Variants in PARD3B observed in about 807,000 individuals in gnomAD.
PARD3B encodes par-3 family cell polarity regulator beta, also known as partitioning defective 3 homolog B.
In PARD3B, 103 loss-of-function variants were observed where a neutral mutation model predicts 130.2. That is an observed-to-expected ratio of 0.79 (90% confidence interval 0.67 to 0.93). PARD3B has a LOEUF of 0.93. Ranked by LOEUF, PARD3B falls within the 40% of genes least tolerant of loss-of-function variation. The probability of loss-of-function intolerance (pLI) is 0.00; values close to 1 mark genes in which losing one functional copy is unlikely to be tolerated. For synonymous variants in PARD3B, 583 were observed against 553.2 expected, an observed-to-expected ratio of 1.05 and a Z score of -0.76; for missense variants, 1,609 against 1,499.2, an observed-to-expected ratio of 1.07 and a Z score of -1.21.
chr2:204,569,490 A>G (rs536232091), intron 1 of PARD3B, among the ~76,000 whole-genome samples: 1 of 152,354 alleles, frequency 6.6e-6, no homozygotes, highest in Non-Finnish European at 1.5e-5. Context: ...CCATGTGGCT[A>G]TTCATTGGGG....
At chr2:205,182,755 A>G (rs1363322863) in intron 13 of PARD3B, among the ~76,000 whole-genome samples, 2 of 152,200 alleles carry the variant, frequency 1.3e-5, no homozygotes, top group Non-Finnish European at 2.9e-5. Flanking sequence ...GTCACTGCAC[A>G]ATGAGGTTTG....
In PARD3B at chr2:204,770,561, G is replaced by T. The variant is rs536700175; in HGVS notation, c.222+84279G>T. On this transcript the variant is annotated intron_variant, in intron 2 of 22. Coordinates refer to ENST00000406610, the MANE Select transcript of PARD3B (RefSeq NM_001302769.2). Reference sequence around the variant, plus strand: ...GAGTTTCTTGTATTTTCAAAATAATGTGGCAACGTTCTTTGAGAGAGTATA... The same window carrying T: ...GAGTTTCTTGTATTTTCAAAATAATTTGGCAACGTTCTTTGAGAGAGTATA... Among the ~76,000 whole-genome samples, 8 of 152,180 alleles carry T rather than the reference G, an allele frequency of 5.3e-5. No individual in the cohort carries two copies. The South Asian group carries it at 1.7e-3, about 32-fold the overall frequency.
At position 205,616,373 on chromosome 2, in the gene PARD3B, T is replaced by C. The variant is rs1338709441; in HGVS notation, c.*560T>C. On this transcript the variant is annotated 3_prime_UTR_variant, in exon 23 of 23. Transcript: ENST00000406610. Reference sequence around the variant, plus strand: ...AAAAAACAACAGCAAACATGACTAGTGATCTTGAAATATTTTGTACCGAGA... The same window carrying C: ...AAAAAACAACAGCAAACATGACTAGCGATCTTGAAATATTTTGTACCGAGA... 6.6e-6 allele frequency: 1 copy of C among 152,392 alleles called. No homozygotes were observed. Among genetic ancestry groups the C allele is most frequent in the Non-Finnish European group, 1.5e-5 (1 of 68,172 alleles). 9.4% of individuals were successfully genotyped at this position (152,392 alleles called of 1,614,324 possible).
At chr2:205,097,482 A>G (rs1702469397) in intron 4 of PARD3B, among the ~76,000 whole-genome samples, 1 of 152,150 alleles carries the variant, frequency 6.6e-6, no homozygotes, top group Admixed American at 6.6e-5. Context: ...TTCCCGGCTT[A>G]GTTAATAATT....
chr2:204,990,361 G>A (rs868083442), intron 3 of PARD3B, among the ~76,000 whole-genome samples: 7 of 151,558 alleles, frequency 4.6e-5, no homozygotes, highest in Non-Finnish European at 7.4e-5. Context: ...GATTATTAGC[G>A]TATCACCTCA....
chr2:205,256,523 T>C (rs928761927), intron 16 of PARD3B, among the ~76,000 whole-genome samples: 2 of 152,180 alleles, frequency 1.3e-5, no homozygotes, highest in Non-Finnish European at 2.9e-5. Context: ...GTTATCTTTA[T>C]TGAAGAGGAA....
intron 21 of PARD3B, among the ~76,000 whole-genome samples, chr2:205,546,008 A>G (rs972361123): frequency 2.0e-5 from 3 of 152,216 alleles, no homozygotes; most frequent in African/African-American, 7.2e-5. Context: ...GCTTTTGTAA[A>G]GAAAAGACTA....
Position 205,300,677 on chromosome 2 carries a change from A to G in PARD3B, c.2333A>G (p.Asn778Ser), listed in dbSNP as rs372033389. The G allele has an allele frequency of 5.0e-6, 8 of 1,613,880 alleles. No individual in the cohort carries two copies. The highest frequency in any genetic ancestry group is 5.9e-6 in the Non-Finnish European group (7 of 1,179,998). ...CACATGGTTCGAGGCCGAGGCTGCA[A>G]TGAGAGCTTTAGAGCAGCCATTGAC... ...RPHMVRGRGC[N>S]ESFRAAIDKS... is the part of the protein sequence containing the mutation. Residue 778 changes from asparagine to serine, a missense_variant, in exon 17 of 23, where the codon AAT becomes AGT. Coordinates refer to ENST00000406610, the MANE Select transcript of PARD3B (RefSeq NM_001302769.2). The surrounding 1 kb of genome is among the most constrained non-coding windows in gnomAD (Gnocchi z 4.1).
At chr2:204,988,689 G>C (rs1372222270) in intron 3 of PARD3B, among the ~76,000 whole-genome samples, 1 of 152,110 alleles carries the variant, frequency 6.6e-6, no homozygotes, top group East Asian at 1.9e-4. Flanking sequence ...GACAGAAAAA[G>C]AGAACTTTGT....
intron 16 of PARD3B, among the ~76,000 whole-genome samples, chr2:205,283,071 G>A (rs1244159971): frequency 2.0e-5 from 3 of 152,228 alleles, no homozygotes; most frequent in Non-Finnish European, 2.9e-5. Flanking sequence ...GGAACCCAGA[G>A]TAAGAAAGTG....
At chr2:204,863,015 G>A (rs1244082945) in intron 2 of PARD3B, among the ~76,000 whole-genome samples, 4 of 152,286 alleles carry the variant, frequency 2.6e-5, no homozygotes, top group African/African-American at 9.6e-5. Flanking sequence ...CCAGTGTGCA[G>A]GTGGGCATTG....
chr2:205,359,925 G>T (rs999026496), intron 18 of PARD3B, among the ~76,000 whole-genome samples: 10 of 152,106 alleles, frequency 6.6e-5, no homozygotes, highest in African/African-American at 2.2e-4. Flanking sequence ...TGCCAGAAAA[G>T]AATAATAGCT....
At position 205,306,575 on chromosome 2, in the gene PARD3B, C is replaced by T. The variant is rs185627925; in HGVS notation, c.2630+4874C>T. Among the ~76,000 whole-genome samples the T allele has an allele frequency of 7.5e-3, 1,143 of 152,224 alleles. 17 individuals are homozygous for T. The highest frequency in any genetic ancestry group is 0.025 in the African/African-American group (1,047 of 41,528). ...TGCCCATAATACAGTGCTGGTTCTT[C>T]CCTTTTATTGTCCCATATATTCTGT... On this transcript the variant is annotated intron_variant, in intron 18 of 22. Transcript: ENST00000406610.
At chr2:205,520,386 C>T (rs564761733) in intron 21 of PARD3B, among the ~76,000 whole-genome samples, 7 of 152,096 alleles carry the variant, frequency 4.6e-5, no homozygotes, top group African/African-American at 1.4e-4. Flanking sequence ...TTCTTTGCTC[C>T]TTCATCAGTC....
chr2:205,129,632 T>G (rs2031804256), intron 10 of PARD3B, among the ~76,000 whole-genome samples: 1 of 152,240 alleles, frequency 6.6e-6, no homozygotes, highest in South Asian at 2.1e-4. Flanking sequence ...TTTCCTCTTC[T>G]AAGAAACTGT....
chr2:205,346,522 C>T lies in PARD3B; in HGVS notation c.2630+44821C>T, dbSNP rs2043797296. Among the ~76,000 whole-genome samples, 4 of 152,184 alleles carry T rather than the reference C, an allele frequency of 2.6e-5. No homozygotes were observed. The South Asian group carries it at 8.3e-4, about 32-fold the overall frequency. On this transcript the variant is annotated intron_variant, in intron 18 of 22. Coordinates refer to ENST00000406610, the MANE Select transcript of PARD3B (RefSeq NM_001302769.2). ...CAAGAGGGCTTCATGCTTCCCCTGG[C>T]TTACTGTGCTAAGGTACCTTCCAGG...
chr2:204,935,518 G>A (rs965156267), intron 2 of PARD3B, among the ~76,000 whole-genome samples: 1 of 151,700 alleles, frequency 6.6e-6, no homozygotes, highest in Admixed American at 6.6e-5. Flanking sequence ...CAGCCTGAGT[G>A]ACAGAGCAAG....
At chr2:204,602,996 C>G (rs990486065) in intron 1 of PARD3B, among the ~76,000 whole-genome samples, 8 of 152,144 alleles carry the variant, frequency 5.3e-5, no homozygotes, top group African/African-American at 1.9e-4. Flanking sequence ...AAATAAACCC[C>G]TTGTTACTTT....
In PARD3B at chr2:205,067,095, C is replaced by CTTTTTTTTTTTTTTTTTTTTTTT. The variant is rs10672449; in HGVS notation, c.504+19412_504+19434dup. ...GCATCTTGCATCCACTTTTACTAGG[C>CTTTTTTTTTTTTTTTTTTTTTTT]TTTTTTTTTTTTTTTTTTTTTTTTT... On this transcript the variant is annotated intron_variant, in intron 4 of 22. Transcript: ENST00000406610. 2.3e-4 allele frequency among the ~76,000 whole-genome samples: 14 copies of CTTTTTTTTTTTTTTTTTTTTTTT among 59,722 alleles called. 1 individual carries two copies. Among genetic ancestry groups the CTTTTTTTTTTTTTTTTTTTTTTT allele is most frequent in the Admixed American group, 3.5e-4 (2 of 5,638 alleles). 39.2% of individuals were successfully genotyped at this position (59,722 alleles called of 152,430 possible). A position where few individuals can be genotyped will look rare whatever the true frequency, so the allele number is the denominator to read the frequency against.
Sources: gnomAD v4.1 joint callset for allele counts (sites outside exome capture counted in the v4.1 genomes callset) on GRCh38, gnomAD v4.1.1 for gene constraint, Gnocchi (gnomAD v3.1) non-coding constraint, MANE v1.5 for transcripts, NCBI Gene and HGNC (gene_info 2026-07-23, HGNC 2026-07-21) for gene names.